CD46: variants seen among roughly 807,000 people sequenced by gnomAD.
CD46 encodes CD46 molecule.
CD46 carries 30 observed loss-of-function variants against 53.3 expected under a neutral mutation model. That is an observed-to-expected ratio of 0.56 (90% CI 0.42 to 0.76). CD46 has a LOEUF of 0.76. CD46 is among the 30% of genes least tolerant of loss of function. The pLI is 0.00. For synonymous variants in CD46, 142 were observed against 152.0 expected, an observed-to-expected ratio of 0.93 and a Z score of 0.48; for missense variants, 409 against 463.0, an observed-to-expected ratio of 0.88 and a Z score of 1.07.
intron 12 of CD46, among the ~76,000 whole-genome samples, chr1:207,790,710 T>A (rs1430723210): frequency 6.6e-6 from 1 of 152,196 alleles, no homozygotes; most frequent in Non-Finnish European, 1.5e-5. Context: ...AAATGCCCTT[T>A]TATAGAAACC....
chr1:207,778,192 G>A (rs1237498435), intron 8 of CD46, among the ~76,000 whole-genome samples: 1 of 151,968 alleles, frequency 6.6e-6, no homozygotes, highest in Non-Finnish European at 1.5e-5. Context: ...TTAGGCCTTT[G>A]TCAGATGCAT....
At chr1:207,791,605 A>G (rs1659805273) in intron 12 of CD46, among the ~76,000 whole-genome samples, 1 of 152,150 alleles carries the variant, frequency 6.6e-6, no homozygotes, top group African/African-American at 2.4e-5. Context: ...ACAATCTAAA[A>G]CGTAGTTCTG....
In CD46 at chr1:207,783,378, C is replaced by T. The variant is rs370370851; in HGVS notation, c.982+48C>T. On this transcript the variant is annotated intron_variant, in intron 9 of 12. Coordinates refer to ENST00000367042, the MANE Select transcript of CD46 (RefSeq NM_172351.3). ...ATATAAGTGGTAGTATGTGTAGAAA[C>T]GTGTAGGTAATTAGTTTTTATGAGG... The T allele has an allele frequency of 8.0e-5, 94 of 1,169,224 alleles. No homozygotes were observed. In the Middle Eastern group the frequency reaches 1.5e-3, roughly 19 times the overall value. 72.4% of individuals were successfully genotyped at this position (1,169,224 alleles called of 1,614,324 possible).
In CD46 at chr1:207,757,520, T is replaced by C. The variant is rs774209651; in HGVS notation, c.287-20T>C. ...TGTTTTATAACTGGATTGAAAACTA[T>C]CAAAATTATTTTCTTTCAGGAGAAA... On this transcript the variant is annotated intron_variant, in intron 2 of 12. Transcript: ENST00000367042. The C allele has an allele frequency of 1.3e-6, 2 of 1,486,470 alleles. No individual in the cohort carries two copies. Among genetic ancestry groups the C allele is most frequent in the Non-Finnish European group, 1.9e-6 (2 of 1,071,120 alleles). The allele number at this position is 1,486,470 out of a possible 1,614,324, so 92.1% of individuals were successfully genotyped here. A position where few individuals can be genotyped will look rare whatever the true frequency, so the allele number is the denominator to read the frequency against.
intron 8 of CD46, among the ~76,000 whole-genome samples, chr1:207,772,868 T>C (rs997280967): frequency 1.3e-5 from 2 of 152,246 alleles, no homozygotes; most frequent in African/African-American, 4.8e-5. Context: ...TATCTCTTTT[T>C]GTTGCACCTC....
Position 207,775,979 on chromosome 1 carries a change from CTA to C in CD46, c.943+5620_943+5621del, listed in dbSNP as rs1261477932. Among the ~76,000 whole-genome samples, 5 of 152,322 alleles carry C rather than the reference CTA, an allele frequency of 3.3e-5. No homozygotes were observed. In the East Asian group the frequency reaches 9.6e-4, roughly 29 times the overall value. On this transcript the variant is annotated intron_variant, in intron 8 of 12. Transcript: ENST00000367042. ...TATGCCCTGCCCCCAGAGGTGGAAT[CTA>C]TAGAGGCAGTAGCCCTTACTGAGCT...
At chr1:207,792,846 C>CA (rs1299901657) in intron 12 of CD46, among the ~76,000 whole-genome samples, 1 of 151,632 alleles carries the variant, frequency 6.6e-6, no homozygotes, top group Non-Finnish European at 1.5e-5. Context: ...AAGACTAAGC[C>CA]AAAAAAATGT....
At chr1:207,774,771 T>A (rs1657912066) in intron 8 of CD46, among the ~76,000 whole-genome samples, 1 of 152,250 alleles carries the variant, frequency 6.6e-6, no homozygotes. Context: ...TGGATAGGCT[T>A]CCCTTTGTGG....
chr1:207,762,382 C>T (rs1656314868), intron 5 of CD46, among the ~76,000 whole-genome samples: 1 of 151,882 alleles, frequency 6.6e-6, no homozygotes, highest in African/African-American at 2.4e-5. Context: ...AGTTAAATCC[C>T]AAACTAGCAG....
intron 6 of CD46, 80 bp downstream of exon 6, chr1:207,767,275 C>A: frequency 8.4e-7 from 1 of 1,191,866 alleles, no homozygotes; most frequent in Non-Finnish European, 1.3e-6. Context: ...TTGATATTAA[C>A]TATCAGTCAT....
intron 11 of CD46, among the ~76,000 whole-genome samples, chr1:207,789,590 A>T (rs1298533558): frequency 6.6e-6 from 1 of 152,200 alleles, no homozygotes. Flanking sequence ...TTTTGCAACG[A>T]TGTCTCCTCA....
In CD46 at chr1:207,752,310, G is replaced by A. The variant is rs755505712; in HGVS notation, c.97+1G>A. The A allele has an allele frequency of 2.5e-6, 4 of 1,613,798 alleles. No individual in the cohort carries two copies. Among genetic ancestry groups the A allele is most frequent in the Non-Finnish European group, 8.5e-7 (1 of 1,179,754 alleles). On this transcript the variant is annotated splice_donor_variant, in intron 1 of 12. Transcript: ENST00000367042. LOFTEE classifies it high-confidence loss of function. This position sits in a 1 kb window ranked among gnomAD's most constrained non-coding sequence, Gnocchi z 4.1. ...GTGTTGCTGCTGTACTCCTTCTCCG[G>A]TAGGACCCCGGGGCGGGTTCGCGCG... is the stretch of plus-strand genomic sequence containing the variant.
intron 11 of CD46, among the ~76,000 whole-genome samples, chr1:207,789,536 A>C (rs1659590237): frequency 6.6e-6 from 1 of 152,192 alleles, no homozygotes; most frequent in Non-Finnish European, 1.5e-5. Context: ...ATCCTTACAA[A>C]ATTAGATCCA....
In CD46 at chr1:207,793,526, G is replaced by C; in HGVS notation, c.*49G>C. On this transcript the variant is annotated 3_prime_UTR_variant, in exon 13 of 13. Transcript: ENST00000367042. ...TTATACCTTGGTTTGCAGGAAAGCA[G>C]ATGGTGGAGCTGAATATGCCACTTA... 6.2e-7 allele frequency: 1 copy of C among 1,613,316 alleles called. No individual in the cohort carries two copies. The highest frequency in any genetic ancestry group is 8.5e-7 in the Non-Finnish European group (1 of 1,179,256).
intron 8 of CD46, among the ~76,000 whole-genome samples, chr1:207,771,773 A>G (rs1460898870): frequency 6.6e-6 from 1 of 152,196 alleles, no homozygotes; most frequent in African/African-American, 2.4e-5. Context: ...TTTTGGTACC[A>G]GTACCATGCT....
chr1:207,790,303 G>C lies in CD46; in HGVS notation c.1133G>C (p.Ter378SerextTer38), dbSNP rs780969870. 1 of 1,596,650 alleles carries C rather than the reference G, an allele frequency of 6.3e-7. No individual in the cohort carries two copies. The highest frequency in any genetic ancestry group is 8.6e-7 in the Non-Finnish European group (1 of 1,164,442). The change falls in exon 12 of 13, where the codon TGA becomes TCA. Residue 378 changes from the stop codon to serine (S), a stop_lost. Coordinates refer to ENST00000367042, the MANE Select transcript of CD46 (RefSeq NM_172351.3). ...THREVKFTSL[*>S] is the part of the protein sequence containing the mutation. ...AGAGAAGTAAAATTTACTTCTCTCT[G>C]AGAAGGAGAGATGAGAGAAAGGTTT...
At chr1:207,762,972 C>G (rs568713429) in intron 5 of CD46, 1 of 152,628 alleles carries the variant, frequency 6.6e-6, no homozygotes, top group Non-Finnish European at 1.5e-5. Flanking sequence ...AGAGCAGCAT[C>G]TGGGAGACGG....
chr1:207,786,709 C>T (rs887729251), intron 11 of CD46, among the ~76,000 whole-genome samples: 2 of 152,138 alleles, frequency 1.3e-5, no homozygotes, highest in Non-Finnish European at 1.5e-5. Flanking sequence ...AAAGTACAAG[C>T]TTTACTCATA....
In CD46 at chr1:207,785,089, T is replaced by C; in HGVS notation, c.1001T>C (p.Val334Ala). The change falls in exon 10 of 13, where the codon GTG becomes GCG. Residue 334 changes from valine (V) to alanine (A), a missense_variant. Transcript: ENST00000367042. ...TTCTCAGATGTTTGGGTCATTGCTG[T>C]GATTGTTATTGCCATAGGTAAGTAT... is the stretch of plus-strand genomic sequence containing the variant. Reference protein sequence around the residue: ...LDSLDVWVIAVIVIAIVVGVA... With the variant: ...LDSLDVWVIAAIVIAIVVGVA... 1 of 1,612,976 alleles carries C rather than the reference T, an allele frequency of 6.2e-7. No individual in the cohort carries two copies. Among genetic ancestry groups the C allele is most frequent in the East Asian group, 2.2e-5 (1 of 44,864 alleles).
Sources: allele counts gnomAD v4.1 joint callset (sites outside exome capture counted in the v4.1 genomes callset), GRCh38; gene constraint gnomAD v4.1.1; non-coding constraint Gnocchi (gnomAD v3.1); transcripts MANE v1.5; gene names NCBI Gene and HGNC (gene_info 2026-07-23, HGNC 2026-07-21).